The following KCNN3 variants were observed in gnomAD, a reference collection of about 807,000 sequenced individuals.
KCNN3 encodes the protein potassium calcium-activated channel subfamily N member 3, also known as small conductance calcium-activated potassium channel protein 3.
KCNN3 carries 16 observed loss-of-function variants against 62.9 expected under a neutral mutation model. The observed-to-expected ratio is 0.25, with a 90% CI of 0.17 to 0.39. KCNN3 has a LOEUF of 0.39. Ranked by LOEUF, KCNN3 falls within the 10% of genes least tolerant of loss-of-function variation. The pLI is 1.00. For missense variants in KCNN3, 599 were observed against 949.4 expected (o/e 0.63, Z 4.85); for synonymous variants, 370 against 389.2 (o/e 0.95, Z 0.58).
At chr1:154,786,354 G>T (rs554454103) in intron 2 of KCNN3, among the ~76,000 whole-genome samples, 1 of 152,204 alleles carries the variant, frequency 6.6e-6, no homozygotes, top group South Asian at 2.1e-4. Flanking sequence ...TATTTTAAAA[G>T]AACTGCTTAT....
intron 1 of KCNN3, among the ~76,000 whole-genome samples, chr1:154,855,145 G>A (rs1652468324): frequency 6.6e-6 from 1 of 152,178 alleles, no homozygotes; most frequent in East Asian, 1.9e-4. Context: ...TTGAACCTGG[G>A]AGGTTGAAGT....
Position 154,791,246 on chromosome 1 carries a change from A to C in KCNN3, c.1030-18853T>G, listed in dbSNP as rs867397673. Among the ~76,000 whole-genome samples the C allele has an allele frequency of 5.1e-3, 768 of 149,788 alleles. 7 individuals are homozygous for C. Among genetic ancestry groups the C allele is most frequent in the African/African-American group, 0.018 (727 of 40,632 alleles). ...TCCATCTCAAAAAAAAAAAAAAAAA[A>C]CAAGTTAGGATGGTATTTTATATTA... On this transcript the variant is annotated intron_variant, in intron 2 of 7. Transcript: ENST00000271915.
At chr1:154,859,702 G>T (rs139272077) in intron 1 of KCNN3, 288 of 1,614,126 alleles carry the variant, frequency 1.8e-4, no homozygotes, top group Non-Finnish European at 2.3e-4. Context: ...CACCTTTATA[G>T]GTCTCTCCAT....
rs1214340171 is a variant in KCNN3, at chr1:154,698,043, C to T, written c.*9933G>A. 6.6e-6 allele frequency: 1 copy of T among 152,038 alleles called. No homozygotes were observed. The highest frequency in any genetic ancestry group is 1.5e-5 in the Non-Finnish European group (1 of 68,012). 9.4% of individuals were successfully genotyped at this position (152,038 alleles called of 1,614,324 possible). On this transcript the variant is annotated 3_prime_UTR_variant, in exon 8 of 8. Coordinates refer to ENST00000271915, the MANE Select transcript of KCNN3 (RefSeq NM_002249.6). ...TAATCACTGAGTTGGTAAATGTATTCATTCATATGGAGTTTTTGGAGGAAG... is the reference window on the plus strand; with the variant it reads ...TAATCACTGAGTTGGTAAATGTATTTATTCATATGGAGTTTTTGGAGGAAG...
intron 5 of KCNN3, among the ~76,000 whole-genome samples, chr1:154,722,145 G>A (rs1488061047): frequency 6.6e-6 from 1 of 152,136 alleles, no homozygotes; most frequent in Non-Finnish European, 1.5e-5. Flanking sequence ...AGCAAGACAG[G>A]ATGAATAAAT....
Position 154,869,543 on chromosome 1 carries a change from G to A in KCNN3, c.422C>T (p.Pro141Leu). ...AGGCCCACTTGTAGCTGTGGAACTTGGAGAGTGGCCAAGCAAGTGGTCATT... is the reference window on the plus strand; with the variant it reads ...AGGCCCACTTGTAGCTGTGGAACTTAGAGAGTGGCCAAGCAAGTGGTCATT... The part of the protein sequence containing the change: ...NLNDHLLGHS[P>L]SSTATSGPGG... Residue 141 changes from proline (P) to leucine (L), a missense_variant, in exon 1 of 8, where the codon CCA (proline) becomes CTA (leucine). Physicochemically the swap from Pro to Leu is moderately conservative, Grantham distance 98. Transcript: ENST00000271915. This position sits in a 1 kb window ranked among gnomAD's most constrained non-coding sequence, Gnocchi z 6.1. The A allele has an allele frequency of 6.2e-7, 1 of 1,614,140 alleles. No individual in the cohort carries two copies.
At chr1:154,752,473 C>A (rs1044912876) in intron 3 of KCNN3, among the ~76,000 whole-genome samples, 1 of 152,166 alleles carries the variant, frequency 6.6e-6, no homozygotes, top group Non-Finnish European at 1.5e-5. Flanking sequence ...TGGGAGTGCT[C>A]CAGGTGGAGG....
intron 1 of KCNN3, among the ~76,000 whole-genome samples, chr1:154,832,136 C>T (rs1400886074): frequency 2.0e-5 from 3 of 152,052 alleles, no homozygotes; most frequent in African/African-American, 7.2e-5. Flanking sequence ...TATCCCTATC[C>T]TGGAAGTCAC....
intron 6 of KCNN3, among the ~76,000 whole-genome samples, chr1:154,714,288 G>T (rs1306169162): frequency 9.7e-6 from 1 of 103,240 alleles, no homozygotes; most frequent in African/African-American, 3.7e-5. Context: ...TGTGGTGTGT[G>T]GTGTGTATGG....
chr1:154,831,411 C>T (rs1054347111), intron 1 of KCNN3, among the ~76,000 whole-genome samples: 2 of 152,154 alleles, frequency 1.3e-5, no homozygotes, highest in African/African-American at 4.8e-5. Context: ...GGGCTTGGCA[C>T]CACCCCAGAG....
intron 1 of KCNN3, among the ~76,000 whole-genome samples, chr1:154,844,520 C>G (rs1651966872): frequency 6.6e-6 from 1 of 152,220 alleles, no homozygotes; most frequent in African/African-American, 2.4e-5. Flanking sequence ...GAGTAGTCCC[C>G]AGTGGGGCAG....
rs112352636 is a variant in KCNN3, at chr1:154,783,784, G to T, written c.1030-11391C>A. Among the ~76,000 whole-genome samples the T allele has an allele frequency of 2.6e-4, 40 of 152,310 alleles. 2 individuals are homozygous for T. The highest frequency in any genetic ancestry group is 8.9e-4 in the African/African-American group (37 of 41,572). ...GCCCACTGAGGACTTGACCACCCAT[G>T]AGACAGGGACAGTGCTGAGACTGTA... On this transcript the variant is annotated intron_variant, in intron 2 of 7. Transcript: ENST00000271915.
chr1:154,807,823 C>A (rs1051750130), intron 2 of KCNN3, among the ~76,000 whole-genome samples: 5 of 152,132 alleles, frequency 3.3e-5, no homozygotes, highest in African/African-American at 1.2e-4. Flanking sequence ...ATCAGAACCT[C>A]AGCGTTTTGG....
At chr1:154,750,856 C>A (rs1012017407) in intron 3 of KCNN3, among the ~76,000 whole-genome samples, 10 of 152,148 alleles carry the variant, frequency 6.6e-5, no homozygotes, top group African/African-American at 2.4e-4. Context: ...AGGCCCAGGA[C>A]CCCCTCAGCT....
chr1:154,742,896 G>C (rs988034928), intron 3 of KCNN3, among the ~76,000 whole-genome samples: 1 of 152,180 alleles, frequency 6.6e-6, no homozygotes, highest in African/African-American at 2.4e-5. Flanking sequence ...GAAAGAACAG[G>C]CAGCAGATGC....
At chr1:154,801,833 C>T (rs541693719) in intron 2 of KCNN3, among the ~76,000 whole-genome samples, 6 of 152,210 alleles carry the variant, frequency 3.9e-5, no homozygotes, top group South Asian at 2.1e-4. Flanking sequence ...ACTCGGCCTC[C>T]GGGGCTCTGT....
chr1:154,714,394 G>T (rs1455077776), intron 6 of KCNN3, among the ~76,000 whole-genome samples: 3 of 149,436 alleles, frequency 2.0e-5, no homozygotes, highest in Non-Finnish European at 3.0e-5. Context: ...TGGGGTGTGT[G>T]TGTGTGGTGT....
intron 3 of KCNN3, among the ~76,000 whole-genome samples, chr1:154,749,377 T>A (rs1487910491): frequency 1.3e-5 from 2 of 152,208 alleles, no homozygotes; most frequent in East Asian, 3.8e-4. Flanking sequence ...CAAGCAAATG[T>A]TGTGGAAGGC....
intron 3 of KCNN3, among the ~76,000 whole-genome samples, chr1:154,760,362 T>A (rs1647941775): frequency 6.8e-6 from 1 of 146,880 alleles, no homozygotes; most frequent in African/African-American, 2.5e-5. Flanking sequence ...GAATACGAGA[T>A]CACAGAACGA....
Sources: allele counts gnomAD v4.1 joint callset (sites outside exome capture counted in the v4.1 genomes callset), GRCh38; gene constraint gnomAD v4.1.1; non-coding constraint Gnocchi (gnomAD v3.1); transcripts MANE v1.5; gene names NCBI Gene and HGNC (gene_info 2026-07-23, HGNC 2026-07-21).